The following MYO18B variants were observed in gnomAD, a reference collection of about 807,000 sequenced individuals.
MYO18B encodes the protein myosin XVIIIB.
Under a neutral mutation model 273.0 loss-of-function variants are expected in MYO18B, and 204 were observed. The ratio of observed to expected loss-of-function variants is 0.75; its 90% CI spans 0.67 to 0.84. MYO18B has a LOEUF of 0.84. Ranked by LOEUF, MYO18B falls within the 40% of genes least tolerant of loss-of-function variation. The pLI is 0.00. For missense variants in MYO18B, 3,212 were observed against 3,287.6 expected (o/e 0.98, Z 0.56); for synonymous variants, 1,330 against 1,305.7 (o/e 1.02, Z -0.40).
intron 1 of MYO18B, among the ~76,000 whole-genome samples, chr22:25,749,157 T>C (rs2085866621): frequency 6.6e-6 from 1 of 152,198 alleles, no homozygotes; most frequent in Non-Finnish European, 1.5e-5. Flanking sequence ...TAAAACCTAC[T>C]TCCCTACTGA....
intron 15 of MYO18B, among the ~76,000 whole-genome samples, chr22:25,832,651 T>G (rs1013525812): frequency 4.6e-5 from 7 of 152,116 alleles, no homozygotes; most frequent in African/African-American, 1.7e-4. Flanking sequence ...AGAGATTCCG[T>G]TTTGAAAGAT....
chr22:25,772,642 C>T (rs1194113903), intron 7 of MYO18B, 132 bp downstream of exon 7: 5 of 921,968 alleles, frequency 5.4e-6, no homozygotes, highest in Middle Eastern at 3.5e-4. Context: ...GCATCCTTCT[C>T]GCGGCATTGT....
chr22:25,791,526 A>G (rs1601705991), intron 11 of MYO18B, among the ~76,000 whole-genome samples: 1 of 152,248 alleles, frequency 6.6e-6, no homozygotes, highest in East Asian at 1.9e-4. Flanking sequence ...AGATCTGCCA[A>G]GCACCAGGAT....
chr22:25,806,829 A>G (rs2088500448), intron 12 of MYO18B, among the ~76,000 whole-genome samples: 1 of 152,176 alleles, frequency 6.6e-6, no homozygotes, highest in South Asian at 2.1e-4. Flanking sequence ...TGGACAGAGA[A>G]GCATTTGAGT....
intron 34 of MYO18B, among the ~76,000 whole-genome samples, chr22:25,922,184 G>A (rs1221488850): frequency 6.6e-6 from 1 of 152,184 alleles, no homozygotes; most frequent in Admixed American, 6.5e-5. Context: ...AAGTCACACA[G>A]CTTGAAAGCG....
chr22:25,983,102 G>C (rs1018631946), intron 39 of MYO18B, among the ~76,000 whole-genome samples: 20 of 152,272 alleles, frequency 1.3e-4, no homozygotes, highest in African/African-American at 4.6e-4. Flanking sequence ...CGAGCACAGT[G>C]GTTCACACCT....
At chr22:25,865,709 C>T (rs1180346489) in intron 21 of MYO18B, among the ~76,000 whole-genome samples, 1 of 152,166 alleles carries the variant, frequency 6.6e-6, no homozygotes, top group Non-Finnish European at 1.5e-5. Context: ...GATCTGAACC[C>T]AGATGGATCT....
intron 34 of MYO18B, among the ~76,000 whole-genome samples, chr22:25,930,713 A>T (rs1228262753): frequency 6.6e-6 from 1 of 151,878 alleles, no homozygotes; most frequent in East Asian, 2.0e-4. Context: ...GGCTCAAGTG[A>T]TCCACCCGCC....
chr22:25,983,918 C>T (rs140349042), intron 39 of MYO18B, among the ~76,000 whole-genome samples: 1 of 152,188 alleles, frequency 6.6e-6, no homozygotes, highest in Non-Finnish European at 1.5e-5. Flanking sequence ...TTGCTAATCT[C>T]TCCTGGCTTT....
At chr22:25,925,353 C>T (rs997072883) in intron 34 of MYO18B, among the ~76,000 whole-genome samples, 4 of 151,978 alleles carry the variant, frequency 2.6e-5, no homozygotes, top group African/African-American at 7.2e-5. Flanking sequence ...AACACCCTTT[C>T]GAGTTCAGTG....
intron 39 of MYO18B, among the ~76,000 whole-genome samples, chr22:25,990,716 A>G (rs3925155): frequency 2.3e-5 from 1 of 44,362 alleles, no homozygotes. Context: ...AAAAAAAAAA[A>G]AAAAGAAAAA....
intron 12 of MYO18B, among the ~76,000 whole-genome samples, chr22:25,814,937 G>A (rs538710684): frequency 1.3e-5 from 2 of 152,312 alleles, no homozygotes; most frequent in Admixed American, 1.3e-4. Flanking sequence ...ATAGGGAGGG[G>A]AAGAGCCCAA....
chr22:25,848,413 T>C, intron 20 of MYO18B, among the ~76,000 whole-genome samples: 1 of 152,270 alleles, frequency 6.6e-6, no homozygotes, highest in East Asian at 1.9e-4. Flanking sequence ...GAGGGAACAT[T>C]AGGCAGAGGG....
At chr22:25,799,430 C>T (rs776914739) in intron 12 of MYO18B, among the ~76,000 whole-genome samples, 2 of 152,136 alleles carry the variant, frequency 1.3e-5, no homozygotes, top group Non-Finnish European at 2.9e-5. Context: ...GCAAGGGTTT[C>T]TGCCTTCATG....
intron 12 of MYO18B, among the ~76,000 whole-genome samples, chr22:25,806,666 A>G (rs1402003465): frequency 6.6e-6 from 1 of 152,220 alleles, no homozygotes; most frequent in African/African-American, 2.4e-5. Context: ...ACAACAATTC[A>G]TCCAAGCTCA....
intron 34 of MYO18B, among the ~76,000 whole-genome samples, chr22:25,929,147 A>G (rs1203216430): frequency 1.6e-5 from 2 of 127,422 alleles, no homozygotes; most frequent in Non-Finnish European, 3.3e-5. Context: ...GGGCAACAAG[A>G]GCGAAACTGT....
rs117689783 is a variant in MYO18B at position 25,977,095 on chromosome 22, C to T, written c.6157-15268C>T. 5.9e-5 allele frequency among the ~76,000 whole-genome samples: 9 copies of T among 152,250 alleles called. No individual in the cohort carries two copies. The East Asian group carries it at 1.7e-3, about 29-fold the overall frequency. On this transcript the variant is annotated intron_variant, in intron 39 of 43. Transcript: ENST00000335473. Reference sequence around the variant, plus strand: ...TGAGGGGCCGACTGTAGGATGTACTCATTGGTGCCTGGGGAATCCAAACAG... The same window carrying T: ...TGAGGGGCCGACTGTAGGATGTACTTATTGGTGCCTGGGGAATCCAAACAG...
At chr22:25,844,364 CTG>C (rs34883672) in intron 18 of MYO18B, among the ~76,000 whole-genome samples, 22 of 151,128 alleles carry the variant, frequency 1.5e-4, no homozygotes, top group Admixed American at 5.9e-4. Flanking sequence ...TTGGAAAATG[CTG>C]TGTGTGTGTG....
intron 43 of MYO18B, among the ~76,000 whole-genome samples, chr22:26,029,392 C>T (rs1436916720): frequency 6.6e-5 from 10 of 152,204 alleles, no homozygotes; most frequent in Admixed American, 5.9e-4. Context: ...CAGGTTTGGA[C>T]TCTATCAGAG....
Sources: gnomAD v4.1 joint callset for allele counts (sites outside exome capture counted in the v4.1 genomes callset) on GRCh38, gnomAD v4.1.1 for gene constraint, MANE v1.5 for transcripts, NCBI Gene and HGNC (gene_info 2026-07-23, HGNC 2026-07-21) for gene names.